ANKHD1: variants seen among roughly 807,000 people sequenced by gnomAD.
ANKHD1 encodes the protein ankyrin repeat and KH domain containing 1.
Under a neutral mutation model 230.5 loss-of-function variants are expected in ANKHD1, and 31 were observed. The ratio of observed to expected loss-of-function variants is 0.13; its 90% CI spans 0.10 to 0.18. The LOEUF (loss-of-function observed/expected upper bound fraction) is 0.18, where lower values mean the gene tolerates loss of function less well. Among genes scored for constraint, ANKHD1 ranks in the 10% least tolerant of loss-of-function variants. ANKHD1 has a pLI of 1.00. For missense variants in ANKHD1, 2,256 were observed against 3,071.3 expected, an observed-to-expected ratio of 0.73 and a Z score of 6.27; for synonymous variants, 1,074 against 1,117.6, an observed-to-expected ratio of 0.96 and a Z score of 0.78.
At chr5:140,538,021 A>G (rs2127103510) in intron 31 of ANKHD1, 65 bp from the exon 32 acceptor site, 1 of 1,542,258 alleles carries the variant, frequency 6.5e-7, no homozygotes, top group African/African-American at 1.4e-5. Flanking sequence ...TGGTAATAAC[A>G]ATGGTAATGT....
At chr5:140,483,689 C>T (rs1414845992) in intron 11 of ANKHD1, among the ~76,000 whole-genome samples, 2 of 152,036 alleles carry the variant, frequency 1.3e-5, no homozygotes, top group Admixed American at 1.3e-4. Context: ...AACTCCTGAC[C>T]TCAGGTGATC....
intron 17 of ANKHD1, 62 bp from the exon 18 acceptor site, chr5:140,505,662 C>G: frequency 6.5e-7 from 1 of 1,532,068 alleles, no homozygotes; most frequent in Middle Eastern, 1.8e-4. Context: ...GAATTGTAAA[C>G]AGTGGCTTTA....
chr5:140,527,117 C>T lies in ANKHD1; in HGVS notation c.5087+43C>T, dbSNP rs1204923387. ...CATCTTTTTAGCTTTCATATATTTTCCCTTTCTCATGTGAGATGGCTACCT... is the reference window on the plus strand; with the variant it reads ...CATCTTTTTAGCTTTCATATATTTTTCCTTTCTCATGTGAGATGGCTACCT... On this transcript the variant is annotated intron_variant, in intron 27 of 33. Transcript: ENST00000360839. The surrounding 1 kb of genome is among the most constrained non-coding windows in gnomAD (Gnocchi z 4.5). 6.4e-7 allele frequency: 1 copy of T among 1,573,352 alleles called. No individual in the cohort carries two copies. The highest frequency in any genetic ancestry group is 1.9e-5 in the Admixed American group (1 of 53,162).
intron 15 of ANKHD1, among the ~76,000 whole-genome samples, chr5:140,504,063 C>CT (rs998218463): frequency 8.6e-5 from 13 of 151,490 alleles, no homozygotes; most frequent in African/African-American, 1.5e-4. Context: ...CTCCCCCACC[C>CT]TTTTTTTTAG....
chr5:140,459,834 T>C (rs565344080), intron 9 of ANKHD1, among the ~76,000 whole-genome samples: 3 of 152,076 alleles, frequency 2.0e-5, no homozygotes, highest in Non-Finnish European at 4.4e-5. Context: ...TTCTTAACTT[T>C]AACAATTAAC....
At chr5:140,422,997 C>G (rs1488442625) in intron 1 of ANKHD1, among the ~76,000 whole-genome samples, 1 of 151,734 alleles carries the variant, frequency 6.6e-6, no homozygotes, top group African/African-American at 2.4e-5. Flanking sequence ...CACCTCAAAC[C>G]TCCCCTTCCA....
chr5:140,430,285 G>A (rs1012089433), intron 1 of ANKHD1, among the ~76,000 whole-genome samples: 1 of 152,120 alleles, frequency 6.6e-6, no homozygotes, highest in Non-Finnish European at 1.5e-5. Flanking sequence ...TACCTAGTCA[G>A]AGGTAGGAAA....
Position 140,506,759 on chromosome 5 carries a change from G to T in ANKHD1, c.3409-76G>T. 1.3e-6 allele frequency: 2 copies of T among 1,576,592 alleles called. No homozygotes were observed. The highest frequency in any genetic ancestry group is 2.2e-5 in the East Asian group (1 of 44,474). On this transcript the variant is annotated intron_variant, in intron 18 of 33. Coordinates refer to ENST00000360839, the MANE Select transcript of ANKHD1 (RefSeq NM_017747.3). This position sits in a 1 kb window ranked among gnomAD's most constrained non-coding sequence, Gnocchi z 4.7. ...TTTAGATAAGGAAGTTATAAGTCCT[G>T]TTTCTTTGTGTTTCCTTCATTATAA... is the stretch of plus-strand genomic sequence containing the variant.
At chr5:140,470,539 T>C (rs1324023026) in intron 10 of ANKHD1, among the ~76,000 whole-genome samples, 1 of 151,558 alleles carries the variant, frequency 6.6e-6, no homozygotes, top group African/African-American at 2.4e-5. Context: ...TACATTTCTT[T>C]GTCCTTTTCT....
chr5:140,537,620 A>G (rs773557855), intron 31 of ANKHD1, 31 bp downstream of exon 31: 6 of 1,502,698 alleles, frequency 4.0e-6, no homozygotes, highest in Non-Finnish European at 5.3e-6. Context: ...CTCTGGAGGG[A>G]TATCTTAAGT....
chr5:140,476,221 A>C (rs1426112822), intron 10 of ANKHD1, among the ~76,000 whole-genome samples: 1 of 152,078 alleles, frequency 6.6e-6, no homozygotes, highest in Non-Finnish European at 1.5e-5. Flanking sequence ...AAATATGAAA[A>C]AGAAATTGAG....
chr5:140,523,916 G>A (rs1753482495), intron 24 of ANKHD1, 150 bp from the exon 25 acceptor site: 2 of 1,057,196 alleles, frequency 1.9e-6, no homozygotes, highest in Middle Eastern at 3.2e-4. Context: ...AATTTTGATG[G>A]TGTCCAGTTT....
Position 140,526,080 on chromosome 5 carries a change from A to C in ANKHD1, c.4577A>C (p.Asn1526Thr), listed in dbSNP as rs551022088. ...TCTGCAACATCTGCAACATTCACAA[A>C]TGTGTTTGGGAAAAAAAGGGCCAAT... Reference protein sequence around the residue: ...GISATSATFTNVFGKKRANVV... With the variant: ...GISATSATFTTVFGKKRANVV... Residue 1526 changes from asparagine (N) to threonine (T), a missense_variant, in exon 26 of 34, where the codon AAT becomes ACT. Physicochemically the swap from Asn to Thr is moderately conservative, Grantham distance 65. Transcript: ENST00000360839. The C allele has an allele frequency of 3.7e-6, 6 of 1,613,414 alleles. No homozygotes were observed. Among genetic ancestry groups the C allele is most frequent in the Admixed American group, 1.7e-5 (1 of 59,824 alleles).
chr5:140,473,729 A>C (rs900241720), intron 10 of ANKHD1, among the ~76,000 whole-genome samples: 1 of 152,248 alleles, frequency 6.6e-6, no homozygotes, highest in Admixed American at 6.5e-5. Flanking sequence ...GCTTCTACTC[A>C]GTTTGTATAA....
chr5:140,466,984 A>G (rs527907594), intron 10 of ANKHD1, among the ~76,000 whole-genome samples: 1 of 152,194 alleles, frequency 6.6e-6, no homozygotes, highest in African/African-American at 2.4e-5. Flanking sequence ...ATTATTCAAT[A>G]CAGAAGTAAT....
At chr5:140,499,562 TTTG>T (rs1035504738) in intron 15 of ANKHD1, among the ~76,000 whole-genome samples, 1 of 152,150 alleles carries the variant, frequency 6.6e-6, no homozygotes, top group African/African-American at 2.4e-5. Flanking sequence ...TTTCAAAATA[TTTG>T]TTGTGATAAT....
At chr5:140,440,337 A>C in intron 4 of ANKHD1, 71 bp downstream of exon 4, 2 of 1,507,210 alleles carry the variant, frequency 1.3e-6, no homozygotes, top group Non-Finnish European at 1.8e-6. Context: ...TTTGTCACTT[A>C]TAAGATAGAT....
At chr5:140,528,091 G>A (rs1425832463) in intron 28 of ANKHD1, 69 bp downstream of exon 28, 1 of 1,565,656 alleles carries the variant, frequency 6.4e-7, no homozygotes, top group East Asian at 2.3e-5. Context: ...TGTCAGGTAT[G>A]GTATAATTAA....
chr5:140,425,060 TCTC>T (rs938114539), intron 1 of ANKHD1, among the ~76,000 whole-genome samples: 5 of 152,354 alleles, frequency 3.3e-5, no homozygotes, highest in South Asian at 4.1e-4. Flanking sequence ...GATTTTTCCT[TCTC>T]CTGTTTTCAG....
Sources: gnomAD v4.1 joint callset for allele counts (sites outside exome capture counted in the v4.1 genomes callset) on GRCh38, gnomAD v4.1.1 for gene constraint, Gnocchi (gnomAD v3.1) non-coding constraint, MANE v1.5 for transcripts, NCBI Gene and HGNC (gene_info 2026-07-23, HGNC 2026-07-21) for gene names.